Variants in DALRD3 observed in about 807,000 individuals in gnomAD.
DALRD3 encodes DALR anticodon binding domain containing 3.
Under a neutral mutation model 56.7 loss-of-function variants are expected in DALRD3, and 47 were observed. That is an observed-to-expected ratio of 0.83 (90% CI 0.66 to 1.06). The LOEUF is 1.06. Among genes scored for constraint, DALRD3 ranks in the 50% least tolerant of loss-of-function variants. DALRD3 has a pLI of 0.00. For synonymous variants in DALRD3, 347 were observed against 308.5 expected (o/e 1.12, Z -1.31); for missense variants, 787 against 724.0 (o/e 1.09, Z -1.00).
Position 49,015,726 on chromosome 3 carries a change from G to C in DALRD3, c.1513-19C>G. The C allele has an allele frequency of 6.2e-7, 1 of 1,614,090 alleles. No individual in the cohort carries two copies. Among genetic ancestry groups the C allele is most frequent in the Non-Finnish European group, 8.5e-7 (1 of 1,180,016 alleles). On this transcript the variant is annotated intron_variant, in intron 11 of 11. Coordinates refer to ENST00000341949, the MANE Select transcript of DALRD3 (RefSeq NM_001009996.3). ...GAGGCTCCTGAAAGAGAAAGGGCCT[G>C]CTGGTCTCATCCTCTGCTTCCTTTG...
chr3:49,017,997 C>T, intron 2 of DALRD3, 26 bp downstream of exon 2: 1 of 1,475,754 alleles, frequency 6.8e-7, no homozygotes, highest in Non-Finnish European at 8.9e-7. Context: ...CCACTTTCTC[C>T]ATTCCGGCCC....
At chr3:49,016,942 C>G (rs1575289313) in intron 5 of DALRD3, 95 bp from the exon 6 acceptor site, 1 of 1,437,290 alleles carries the variant, frequency 7.0e-7, no homozygotes, top group African/African-American at 1.4e-5. Flanking sequence ...TCAGCCCAGA[C>G]TCCCTCAAAT....
At chr3:49,020,746 C>G (rs376191008), upstream of DALRD3, 1 of 461,148 alleles carries the variant, frequency 2.2e-6, no homozygotes, top group Non-Finnish European at 4.5e-6. Context: ...CCCCAGGTCA[C>G]TCGCCCTGGG....
chr3:49,016,045 C>T lies in DALRD3; in HGVS notation c.1371G>A (p.Pro457=), dbSNP rs763143824. ...GCACTGCTGTCCGGCTCAGCAGATC[C>T]GGAAAGGGGAGGATACTGTTGAAGA... The part of the protein sequence containing the change: ...LLLFNSILPF[P]DLLSRTAVLD... The change falls in exon 10 of 12, where the codon CCG becomes CCA. Residue 457 remains proline (P), a synonymous_variant. Coordinates refer to ENST00000341949, the MANE Select transcript of DALRD3 (RefSeq NM_001009996.3). 17 of 1,600,034 alleles carry T rather than the reference C, an allele frequency of 1.1e-5. No individual in the cohort carries two copies. Among genetic ancestry groups the T allele is most frequent in the African/African-American group, 2.7e-5 (2 of 74,668 alleles).
At position 49,017,319 on chromosome 3, in the gene DALRD3, A is replaced by G. The variant is rs1559905238; in HGVS notation, c.836T>C (p.Val279Ala). The change falls in exon 5 of 12, where the codon GTT becomes GCT. Residue 279 changes from valine to alanine, a missense_variant. Physicochemically the swap from Val to Ala is moderately conservative, Grantham distance 64 (BLOSUM62 0). Coordinates refer to ENST00000341949, the MANE Select transcript of DALRD3 (RefSeq NM_001009996.3). ...ASDTGTGGCL[V>A]VHVVSCEEEF... ...CTCCTCACAGCTAACAACATGTACA[A>G]CCAGGCAGCCGCCTGTACCAGTATC... The G allele has an allele frequency of 1.2e-6, 2 of 1,614,218 alleles. No homozygotes were observed. Among genetic ancestry groups the G allele is most frequent in the Admixed American group, 3.3e-5 (2 of 60,032 alleles).
At chr3:49,016,885 C>T in intron 5 of DALRD3, 38 bp from the exon 6 acceptor site, 1 of 1,613,076 alleles carries the variant, frequency 6.2e-7, no homozygotes, top group African/African-American at 1.3e-5. Context: ...CTAGTTGGCG[C>T]TACTCTCCAG....
chr3:49,018,778 G>A, upstream of DALRD3: 3 of 985,434 alleles, frequency 3.0e-6, no homozygotes, highest in Non-Finnish European at 3.6e-6. Flanking sequence ...GAAATCTCGG[G>A]GCCCTCCCTG....
rs750342710 is a variant in DALRD3, at chr3:49,018,405, C to A, written c.160G>T (p.Gly54Cys). 7 of 1,568,372 alleles carry A rather than the reference C, an allele frequency of 4.5e-6. No individual in the cohort carries two copies. In the African/African-American group the frequency reaches 6.8e-5, roughly 15 times the overall value. Reference protein sequence around the residue: ...HRALQARFDDGQVPEHLLHAL... With the variant: ...HRALQARFDDCQVPEHLLHAL... ...CCCGCCCGGCTCACGCCCACCTGGCCGTCATCGAAGCGCGCCTGCAGCGCG... is the reference window on the plus strand; with the variant it reads ...CCCGCCCGGCTCACGCCCACCTGGCAGTCATCGAAGCGCGCCTGCAGCGCG... Residue 54 changes from glycine (G) to cysteine (C), a missense_variant, in exon 1 of 12, where the codon GGC becomes TGC. Gly to Cys is a radical substitution (Grantham distance 159). Coordinates refer to ENST00000341949, the MANE Select transcript of DALRD3 (RefSeq NM_001009996.3).
In DALRD3 at chr3:49,015,792, C is replaced by A; in HGVS notation, c.1512+12G>T. 6.2e-7 allele frequency: 1 copy of A among 1,614,170 alleles called. No individual in the cohort carries two copies. The highest frequency in any genetic ancestry group is 8.5e-7 in the Non-Finnish European group (1 of 1,180,028). On this transcript the variant is annotated intron_variant, in intron 11 of 11. Transcript: ENST00000341949. ...TCTCTGCACGTCCCACCCCATTTTG[C>A]TGTGTGCTCACCCCCAGGATGTGTA...
At position 49,018,423 on chromosome 3, in the gene DALRD3, G is replaced by A; in HGVS notation, c.142C>T (p.Gln48Ter). The change falls in exon 1 of 12, where the codon CAG (glutamine) becomes TAG (stop). Residue 48 changes from glutamine (Q) to a stop codon, truncating the protein, a stop_gained. Transcript: ENST00000341949. LOFTEE classifies it high-confidence loss of function. ...ACCTGGCCGTCATCGAAGCGCGCCT[G>A]CAGCGCGCGGTGCGGTGCCAGAAAG... is the stretch of plus-strand genomic sequence containing the variant. ...RDFLAPHRALQARFDDGQVPE... is the reference protein window; with the variant it reads ...RDFLAPHRAL 1 of 1,579,690 alleles carries A rather than the reference G, an allele frequency of 6.3e-7. No individual in the cohort carries two copies. Among genetic ancestry groups the A allele is most frequent in the Non-Finnish European group, 8.6e-7 (1 of 1,164,274 alleles).
In DALRD3 at chr3:49,016,314, AC is replaced by A. The variant is rs2093069088; in HGVS notation, c.1172del (p.Ser391IlefsTer42). On this transcript the variant is annotated frameshift_variant, in exon 9 of 12. Transcript: ENST00000341949. LOFTEE classifies it high-confidence loss of function. ...SQLFLALADS[S>X]ISTKGTKSGT... ...CACTCTTTGTGCCCTTCGTGGAGATACTGCTGTCAGCCAGAGCCAGGAAGAG... is the reference window on the plus strand; with the variant it reads ...CACTCTTTGTGCCCTTCGTGGAGATATGCTGTCAGCCAGAGCCAGGAAGAG... 1 of 1,609,778 alleles carries A rather than the reference AC, an allele frequency of 6.2e-7. No homozygotes were observed. Among genetic ancestry groups the A allele is most frequent in the Non-Finnish European group, 8.5e-7 (1 of 1,176,598 alleles).
intron 5 of DALRD3, 132 bp downstream of exon 5, chr3:49,017,094 CCT>C: frequency 7.9e-7 from 1 of 1,268,774 alleles, no homozygotes. Context: ...CTGTACATGC[CCT>C]CTCAAGTCCA....
At position 49,015,985 on chromosome 3, in the gene DALRD3, T is replaced by C. The variant is rs1301306688; in HGVS notation, c.1431A>G (p.Val477=). Residue 477 remains valine, a synonymous_variant, in exon 10 of 12, where the codon GTA becomes GTG. Transcript: ENST00000341949. ...GTCTATGCCTCACCATCTCTGTGCG[T>C]ACAGCAATGTGGAGCCCCGGGGCTG... ...DCTAPGLHIA[V]RTEMICKFLV... 1 of 1,613,208 alleles carries C rather than the reference T, an allele frequency of 6.2e-7. No individual in the cohort carries two copies. The highest frequency in any genetic ancestry group is 8.5e-7 in the Non-Finnish European group (1 of 1,179,422).
rs755839852 is a variant in DALRD3, at chr3:49,017,385, G to A, written c.799-29C>T. On this transcript the variant is annotated intron_variant, in intron 4 of 11. Coordinates refer to ENST00000341949, the MANE Select transcript of DALRD3 (RefSeq NM_001009996.3). ...AGGGAGGACAATCATAACTGTGGAA[G>A]TACAGTATACTTGGTTTGGGAGAAC... 12 of 1,614,030 alleles carry A rather than the reference G, an allele frequency of 7.4e-6. No homozygotes were observed. The African/African-American group carries it at 1.6e-4, about 22-fold the overall frequency.
chr3:49,018,599 A>T (rs765527693), upstream of DALRD3: 6 of 1,513,176 alleles, frequency 4.0e-6, no homozygotes, highest in Non-Finnish European at 5.3e-6. Context: ...CCGGAAAAAA[A>T]TTTAGGGAGG....
intron 5 of DALRD3, 165 bp from the exon 6 acceptor site, chr3:49,017,012 C>T (rs1559904696): frequency 1.0e-6 from 1 of 959,410 alleles, no homozygotes. Flanking sequence ...CATGGTTCAT[C>T]CTTCTCAACC....
chr3:49,019,671 G>T (rs948441972), upstream of DALRD3, among the ~76,000 whole-genome samples: 6 of 151,722 alleles, frequency 4.0e-5, no homozygotes, highest in East Asian at 1.2e-3. Flanking sequence ...TAGAGACGGG[G>T]TTTCTCCATG....
rs545421654 is a variant in DALRD3 at position 49,017,128 on chromosome 3, G to T, written c.927+100C>A. On this transcript the variant is annotated intron_variant, in intron 5 of 11. Transcript: ENST00000341949. The stretch of plus-strand genomic sequence containing the variant: ...TCCAGCAACTCCCCCAAGGTCAAGT[G>T]TTGGTTTCTGTCAGCTAACAAGCCC... 5.8e-6 allele frequency: 9 copies of T among 1,540,018 alleles called. No homozygotes were observed. In the East Asian group the frequency reaches 1.8e-4, roughly 31 times the overall value.
chr3:49,018,707 C>G, upstream of DALRD3: 2 of 1,400,280 alleles, frequency 1.4e-6, no homozygotes, highest in Non-Finnish European at 9.2e-7. Context: ...CGGCTGCTTT[C>G]GACCTACCGC....
Sources: gnomAD v4.1 joint callset for allele counts (sites outside exome capture counted in the v4.1 genomes callset) on GRCh38, gnomAD v4.1.1 for gene constraint, MANE v1.5 for transcripts, NCBI Gene and HGNC (gene_info 2026-07-23, HGNC 2026-07-21) for gene names.